The following COA1 variants were observed in gnomAD, a reference collection of about 807,000 sequenced individuals.
The protein encoded by COA1 is cytochrome c oxidase assembly factor 1.
Under a neutral mutation model 16.0 loss-of-function variants are expected in COA1, and 13 were observed. That is an observed-to-expected ratio of 0.81 (90% confidence interval 0.53 to 1.29). COA1 has a LOEUF of 1.29. COA1 is among the 50% of genes most tolerant of loss of function. The pLI is 0.00. For missense variants in COA1, 179 were observed against 177.0 expected (o/e 1.01, Z -0.06); for synonymous variants, 65 against 65.7 (o/e 0.99, Z 0.05).
intron 1 of COA1, among the ~76,000 whole-genome samples, chr7:43,728,019 G>T (rs185377617): frequency 0.015 from 2,195 of 148,906 alleles, 23 homozygotes; most frequent in Non-Finnish European, 0.024. Context: ...CTCTCGCCCA[G>T]GCTGGAGTGC....
chr7:43,709,593 C>T (rs1184945786), intron 1 of COA1, among the ~76,000 whole-genome samples: 1 of 152,124 alleles, frequency 6.6e-6, no homozygotes, highest in Non-Finnish European at 1.5e-5. Flanking sequence ...ATGTCTATTT[C>T]TGTATTACTT....
intron 6 of COA1, among the ~76,000 whole-genome samples, chr7:43,633,913 CTG>C (rs2085445589): frequency 6.6e-6 from 1 of 152,032 alleles, no homozygotes; most frequent in Non-Finnish European, 1.5e-5. Context: ...CAATTGCAGT[CTG>C]TTTTCTCCGC....
chr7:43,676,504 C>A (rs928573878), intron 1 of COA1, among the ~76,000 whole-genome samples: 2 of 152,118 alleles, frequency 1.3e-5, no homozygotes, highest in African/African-American at 4.8e-5. Context: ...AGAAAGTTCA[C>A]CACCACATCT....
intron 1 of COA1, among the ~76,000 whole-genome samples, chr7:43,684,355 G>A (rs565157530): frequency 6.6e-6 from 1 of 152,250 alleles, no homozygotes; most frequent in African/African-American, 2.4e-5. Flanking sequence ...GGGGACCCCT[G>A]AACTAGGGTC....
rs1563228993 is a variant in COA1, at chr7:43,644,766, G to GATAGATAGATAGA, written c.264+484_264+485insTCTATCTATCTAT. On this transcript the variant is annotated intron_variant, in intron 4 of 5. Transcript: ENST00000223336. ...GATAGATAGATAGATAGATAGGCAG[G>GATAGATAGATAGA]CAGGCAGGCAGGCAGGCAGGCAGGC... is the stretch of plus-strand genomic sequence containing the variant. Among the ~76,000 whole-genome samples, 167 of 80,678 alleles carry GATAGATAGATAGA rather than the reference G, an allele frequency of 2.1e-3. 4 individuals are homozygous for GATAGATAGATAGA. Among genetic ancestry groups the GATAGATAGATAGA allele is most frequent in the Non-Finnish European group, 4.0e-3 (139 of 34,474 alleles). The allele number at this position is 80,678 out of a possible 152,430, so 52.9% of individuals were successfully genotyped here.
intron 5 of COA1, 32 bp downstream of exon 5, chr7:43,640,541 G>T: frequency 6.6e-7 from 1 of 1,504,834 alleles, no homozygotes; most frequent in East Asian, 2.3e-5. Flanking sequence ...TCTTCCTCCC[G>T]CTCCCCCACT....
chr7:43,728,054 A>C (rs1198033068), intron 1 of COA1, among the ~76,000 whole-genome samples: 1 of 149,614 alleles, frequency 6.7e-6, no homozygotes, highest in Non-Finnish European at 1.5e-5. Context: ...GGCTCACTGC[A>C]AGCTCCACCT....
chr7:43,623,713 A>G, intron 6 of COA1: 1 of 1,606,256 alleles, frequency 6.2e-7, no homozygotes, highest in Non-Finnish European at 8.5e-7. Context: ...ATTTAGGAGC[A>G]TTGGAGTGTT....
chr7:43,703,262 C>A (rs572087711), intron 1 of COA1, among the ~76,000 whole-genome samples: 1 of 152,046 alleles, frequency 6.6e-6, no homozygotes, highest in African/African-American at 2.4e-5. Flanking sequence ...AGCATGTGGT[C>A]AATATTAGCA....
chr7:43,707,588 C>T (rs528333163), intron 1 of COA1, among the ~76,000 whole-genome samples: 1 of 152,112 alleles, frequency 6.6e-6, no homozygotes, highest in Non-Finnish European at 1.5e-5. Flanking sequence ...TCTGTACTGT[C>T]TGATTTTAAA....
At chr7:43,717,843 G>A (rs1168287739) in intron 1 of COA1, among the ~76,000 whole-genome samples, 1 of 152,184 alleles carries the variant, frequency 6.6e-6, no homozygotes, top group African/African-American at 2.4e-5. Context: ...TTGTGGTAGT[G>A]AATAAGTCTC....
Position 43,639,507 on chromosome 7 carries a change from C to A in COA1, c.*75G>T. 8.2e-7 allele frequency: 1 copy of A among 1,215,408 alleles called. No homozygotes were observed. Among genetic ancestry groups the A allele is most frequent in the South Asian group, 1.2e-5 (1 of 80,548 alleles). The allele number at this position is 1,215,408 out of a possible 1,614,324, so 75.3% of individuals were successfully genotyped here. On this transcript the variant is annotated 3_prime_UTR_variant, in exon 6 of 6. Coordinates refer to ENST00000223336, the MANE Select transcript of COA1 (RefSeq NM_018224.4). ...CAGGAGTGTCTGTCACTGAGATGGG[C>A]CACCACCCCAGTGGCCATATGGTAG...
At chr7:43,630,324 G>A (rs2085047406) in intron 6 of COA1, among the ~76,000 whole-genome samples, 1 of 152,114 alleles carries the variant, frequency 6.6e-6, no homozygotes, top group Non-Finnish European at 1.5e-5. Flanking sequence ...ATTGAAATAA[G>A]TGGAGATTTT....
intron 1 of COA1, among the ~76,000 whole-genome samples, chr7:43,670,896 A>G (rs776986097): frequency 9.2e-5 from 14 of 152,240 alleles, no homozygotes; most frequent in Non-Finnish European, 1.8e-4. Context: ...TCATTTCTCC[A>G]ATAAATTATC....
At chr7:43,640,998 A>C in intron 4 of COA1, 1 of 198,734 alleles carries the variant, frequency 5.0e-6, no homozygotes, top group Non-Finnish European at 1.0e-5. Flanking sequence ...CACCAAGCCA[A>C]AGGGCTTTAC....
chr7:43,710,375 A>AAAAAATATATATATATATATATATAT (rs761592421), intron 1 of COA1, among the ~76,000 whole-genome samples: 2 of 36,432 alleles, frequency 5.5e-5, no homozygotes, highest in Non-Finnish European at 9.4e-5. Context: ...AAAAAAAAAA[A>AAAAAATATATATATATATATATATAT]ATATATATAT....
chr7:43,672,459 C>T (rs140862760), intron 1 of COA1, among the ~76,000 whole-genome samples: 2,231 of 152,216 alleles, frequency 0.015, 55 homozygotes, highest in African/African-American at 0.051. Flanking sequence ...CAATAAAATT[C>T]AACATCCCTT....
At chr7:43,691,313 GAAA>G (rs2094304222) in intron 1 of COA1, among the ~76,000 whole-genome samples, 1 of 99,694 alleles carries the variant, frequency 1.0e-5, no homozygotes, top group Admixed American at 1.1e-4. Flanking sequence ...AAGAAAGAAA[GAAA>G]GAAAGAAAGA....
At position 43,625,826 on chromosome 7, in the gene COA1, C is replaced by A. The variant is rs920725597; in HGVS notation, c.*133+13623G>T. 4.6e-5 allele frequency: 7 copies of A among 152,086 alleles called. 1 individual carries two copies. In the South Asian group the frequency reaches 1.2e-3, roughly 27 times the overall value. 9.4% of individuals were successfully genotyped at this position (152,086 alleles called of 1,614,324 possible). ...GTTTCTGCTGAGTTTCTTATCAGCC[C>A]TCAAGCTATGCTAGGAAAAGTTATA... On this transcript the variant is annotated intron_variant and NMD_transcript_variant, in intron 6 of 6. Coordinates refer to the COA1 transcript ENST00000415076.
Sources: gnomAD v4.1 joint callset for allele counts (sites outside exome capture counted in the v4.1 genomes callset) on GRCh38, gnomAD v4.1.1 for gene constraint, MANE v1.5 for transcripts, NCBI Gene and HGNC (gene_info 2026-07-23, HGNC 2026-07-21) for gene names.